The following RSPO2 variants were observed in gnomAD, a reference collection of about 807,000 sequenced individuals.
RSPO2 encodes the protein R-spondin-2.
A neutral mutation model predicts 30.9 loss-of-function variants in RSPO2; 14 were observed. The ratio of observed to expected loss-of-function variants is 0.45; its 90% confidence interval spans 0.30 to 0.71. The LOEUF (loss-of-function observed/expected upper bound fraction) is 0.71. RSPO2 is among the 30% of genes least tolerant of loss of function. RSPO2 has a pLI of 0.08. For synonymous variants in RSPO2, 107 were observed against 96.4 expected (o/e 1.11, Z -0.64); for missense variants, 264 against 301.9 (o/e 0.87, Z 0.93).
At chr8:107,910,949 A>G (rs1290876749) in intron 5 of RSPO2, among the ~76,000 whole-genome samples, 6 of 152,130 alleles carry the variant, frequency 3.9e-5, no homozygotes, top group African/African-American at 2.4e-5. Flanking sequence ...TCCTGGTTAG[A>G]GTCTTCCCAA....
chr8:107,950,492 G>GTTT (rs5893892), intron 5 of RSPO2, among the ~76,000 whole-genome samples: 1 of 147,382 alleles, frequency 6.8e-6, no homozygotes, highest in African/African-American at 2.5e-5. Context: ...ATTTTGGGGT[G>GTTT]TTTTTTTTTT....
intron 3 of RSPO2, chr8:107,983,913 C>G (rs890099743): frequency 1.6e-6 from 2 of 1,260,034 alleles, no homozygotes; most frequent in Non-Finnish European, 2.3e-6. Flanking sequence ...TTTCCATCTA[C>G]AGAACTTCCT....
rs1312996621 is a variant in RSPO2 at position 108,083,204 on chromosome 8, A to G, written c.-177T>C. 6.6e-6 allele frequency: 1 copy of G among 152,222 alleles called. No individual in the cohort carries two copies. Among genetic ancestry groups the G allele is most frequent in the Non-Finnish European group, 1.5e-5 (1 of 68,092 alleles). 9.4% of individuals were successfully genotyped at this position (152,222 alleles called of 1,614,324 possible). A position where few individuals can be genotyped will look rare whatever the true frequency, so the allele number is the denominator to read the frequency against. ...TTGGTGTGGGTTGCCTACCGTGCGC[A>G]CGTCTCGGGCGGCGCGGCCTCCCTA... is the stretch of plus-strand genomic sequence containing the variant. On this transcript the variant is annotated 5_prime_UTR_variant, in exon 1 of 6. Transcript: ENST00000276659.
At chr8:107,970,197 T>C (rs779405221) in intron 3 of RSPO2, among the ~76,000 whole-genome samples, 11 of 152,228 alleles carry the variant, frequency 7.2e-5, no homozygotes, top group South Asian at 2.1e-4. Context: ...AGACAATATG[T>C]AAATGATTCA....
chr8:108,040,444 GA>G (rs975885600), intron 2 of RSPO2, among the ~76,000 whole-genome samples: 25 of 152,068 alleles, frequency 1.6e-4, no homozygotes, highest in African/African-American at 5.1e-4. Context: ...GGTACAGGGG[GA>G]AAAAACCCAA....
chr8:107,940,552 T>C (rs556740500), intron 5 of RSPO2, among the ~76,000 whole-genome samples: 89 of 152,314 alleles, frequency 5.8e-4, no homozygotes, highest in African/African-American at 2.1e-3. Flanking sequence ...AAAAGTCAGA[T>C]GGTCTTTTTC....
chr8:108,009,008 G>T (rs186875352), intron 2 of RSPO2, among the ~76,000 whole-genome samples: 2 of 152,022 alleles, frequency 1.3e-5, no homozygotes, highest in African/African-American at 2.4e-5. Context: ...GACATGAAAA[G>T]ATGTACAATA....
At chr8:108,006,652 GA>G (rs946014575) in intron 2 of RSPO2, among the ~76,000 whole-genome samples, 1 of 151,734 alleles carries the variant, frequency 6.6e-6, no homozygotes, top group Non-Finnish European at 1.5e-5. Context: ...ATAAATGTCT[GA>G]TTTTCAATAT....
At chr8:108,081,366 C>T (rs1200588661) in intron 2 of RSPO2, among the ~76,000 whole-genome samples, 2 of 152,194 alleles carry the variant, frequency 1.3e-5, no homozygotes, top group African/African-American at 4.8e-5. Context: ...GAGTTATAAA[C>T]AAATCACATC....
At chr8:107,997,844 A>G (rs1193368226) in intron 2 of RSPO2, among the ~76,000 whole-genome samples, 1 of 152,172 alleles carries the variant, frequency 6.6e-6, no homozygotes. Context: ...TATCTCATAG[A>G]GTATTTTATG....
chr8:108,021,353 T>C (rs893257399), intron 2 of RSPO2, among the ~76,000 whole-genome samples: 1 of 152,174 alleles, frequency 6.6e-6, no homozygotes, highest in Non-Finnish European at 1.5e-5. Context: ...AGCCCCCACT[T>C]CCCAGATGGG....
chr8:107,997,546 A>T (rs1242425854), intron 2 of RSPO2, among the ~76,000 whole-genome samples: 1 of 152,238 alleles, frequency 6.6e-6, no homozygotes, highest in Non-Finnish European at 1.5e-5. Flanking sequence ...TCCTGAAAAT[A>T]GTCATAAACA....
intron 2 of RSPO2, among the ~76,000 whole-genome samples, chr8:108,009,956 G>A (rs113497118): frequency 2.2e-4 from 34 of 152,222 alleles, no homozygotes; most frequent in Non-Finnish European, 4.0e-4. Flanking sequence ...GGCTGAGGCA[G>A]GAGGATCACT....
At chr8:107,916,183 G>A (rs1313539040) in intron 5 of RSPO2, among the ~76,000 whole-genome samples, 1 of 152,146 alleles carries the variant, frequency 6.6e-6, no homozygotes, top group Non-Finnish European at 1.5e-5. Flanking sequence ...TTTTCTTCAT[G>A]TGACTTCAAA....
At chr8:108,000,409 T>C (rs571120970) in intron 2 of RSPO2, among the ~76,000 whole-genome samples, 20 of 152,112 alleles carry the variant, frequency 1.3e-4, no homozygotes, top group African/African-American at 4.8e-4. Flanking sequence ...GTGCATCTGG[T>C]GGGGGAGTCA....
At chr8:107,906,975 C>T (rs967200103) in intron 5 of RSPO2, among the ~76,000 whole-genome samples, 1 of 151,750 alleles carries the variant, frequency 6.6e-6, no homozygotes, top group Non-Finnish European at 1.5e-5. Context: ...AAGTAAAATG[C>T]ACAACCAATA....
chr8:107,977,508 G>A (rs186776198), intron 3 of RSPO2, among the ~76,000 whole-genome samples: 6 of 152,216 alleles, frequency 3.9e-5, no homozygotes, highest in African/African-American at 1.4e-4. Context: ...TCCCATCTTT[G>A]GGAATGATGG....
rs1811378687 is a variant in RSPO2 at position 107,899,673 on chromosome 8, A to G, written c.*1402T>C. On this transcript the variant is annotated 3_prime_UTR_variant, in exon 6 of 6. Coordinates refer to ENST00000276659, the MANE Select transcript of RSPO2 (RefSeq NM_178565.5). ...TTGCTTTGTTTCAAAATCCACAACCATTATTTTTCTGTTCTAATTTTCTCC... is the reference window on the plus strand; with the variant it reads ...TTGCTTTGTTTCAAAATCCACAACCGTTATTTTTCTGTTCTAATTTTCTCC... The G allele has an allele frequency of 6.6e-6, 1 of 152,492 alleles. No individual in the cohort carries two copies. The highest frequency in any genetic ancestry group is 2.4e-5 in the African/African-American group (1 of 41,446). The allele number at this position is 152,492 out of a possible 1,614,324, so 9.4% of individuals were successfully genotyped here.
chr8:107,906,472 TC>T (rs1811649690), intron 5 of RSPO2, among the ~76,000 whole-genome samples: 1 of 148,432 alleles, frequency 6.7e-6, no homozygotes. Flanking sequence ...CTAAAACTTA[TC>T]ATAAATGGAT....
Sources: gnomAD v4.1 joint callset for allele counts (sites outside exome capture counted in the v4.1 genomes callset) on GRCh38, gnomAD v4.1.1 for gene constraint, MANE v1.5 for transcripts, NCBI Gene and HGNC (gene_info 2026-07-23, HGNC 2026-07-21) for gene names.